The following SLC4A5 variants were observed in gnomAD, a reference collection of about 807,000 sequenced individuals.
The protein encoded by SLC4A5 is solute carrier family 4 member 5.
A neutral mutation model predicts 120.4 loss-of-function variants in SLC4A5; 96 were observed. The observed-to-expected ratio is 0.80, with a 90% CI of 0.68 to 0.94. The LOEUF (loss-of-function observed/expected upper bound fraction) is 0.94. Ranked by LOEUF, SLC4A5 falls within the 40% of genes least tolerant of loss-of-function variation. SLC4A5 has a pLI of 0.00. For missense variants in SLC4A5, 1,259 were observed against 1,459.5 expected (o/e 0.86, Z 2.24); for synonymous variants, 550 against 571.1 (o/e 0.96, Z 0.53).
At chr2:74,341,706 A>G (rs1241146625) in intron 2 of SLC4A5, among the ~76,000 whole-genome samples, 1 of 152,238 alleles carries the variant, frequency 6.6e-6, no homozygotes. Flanking sequence ...TCTTCCTAAA[A>G]AAAGAGTCTG....
intron 10 of SLC4A5, 40 bp from the exon 11 acceptor site, chr2:74,262,272 T>C (rs1295894681): frequency 2.3e-5 from 36 of 1,584,114 alleles, no homozygotes; most frequent in Non-Finnish European, 2.9e-5. Flanking sequence ...TCGACAGCCT[T>C]GCTGGTGTAG....
chr2:74,340,831 C>T (rs1673607118), intron 2 of SLC4A5, among the ~76,000 whole-genome samples: 2 of 152,258 alleles, frequency 1.3e-5, no homozygotes, highest in South Asian at 4.1e-4. Flanking sequence ...CCACCACGGG[C>T]CTCTGTTCTT....
intron 12 of SLC4A5, among the ~76,000 whole-genome samples, 166 bp downstream of exon 12, chr2:74,259,422 T>C (rs1671067332): frequency 6.6e-6 from 1 of 152,168 alleles, no homozygotes; most frequent in Non-Finnish European, 1.5e-5. Context: ...ACTACTGGCC[T>C]TGGCAAAGTC....
intron 6 of SLC4A5, chr2:74,307,811 T>C: frequency 2.8e-6 from 1 of 352,462 alleles, no homozygotes; most frequent in Non-Finnish European, 5.0e-6. Context: ...CCCCCAGCCA[T>C]CCCCATGCCA....
At position 74,219,218 on chromosome 2, in the gene SLC4A5, TG is replaced by T. The variant is rs1426795633; in HGVS notation, c.*34-427del. Among the ~76,000 whole-genome samples, 23 of 105,010 alleles carry T rather than the reference TG, an allele frequency of 2.2e-4. 1 individual carries two copies. The East Asian group carries it at 5.1e-3, about 23-fold the overall frequency. The allele number at this position is 105,010 out of a possible 152,430, so 68.9% of individuals were successfully genotyped here. ...GTGTGTGTGTGTGTGTGTGTGTGTG[TG>T]TTTGTGTGTGTTTTCAAATGGTACT... On this transcript the variant is annotated intron_variant, in intron 30 of 30. Coordinates refer to ENST00000394019, the Ensembl canonical transcript of SLC4A5.
intron 21 of SLC4A5, among the ~76,000 whole-genome samples, chr2:74,236,271 A>ACTTACACTGTGCCTCCTGTCCTTTC (rs1670266337): frequency 6.6e-6 from 1 of 152,236 alleles, no homozygotes; most frequent in African/African-American, 2.4e-5. Context: ...ATTTACCTTT[A>ACTTACACTGTGCCTCCTGTCCTTTC]CTTACACTGT....
At chr2:74,341,347 G>A (rs1420161451) in intron 2 of SLC4A5, among the ~76,000 whole-genome samples, 1 of 149,656 alleles carries the variant, frequency 6.7e-6, no homozygotes, top group African/African-American at 2.5e-5. Context: ...AGAGCAGTAA[G>A]AGACAAAAAT....
intron 5 of SLC4A5, among the ~76,000 whole-genome samples, chr2:74,316,116 A>G (rs1027235738): frequency 6.6e-6 from 1 of 152,018 alleles, no homozygotes; most frequent in African/African-American, 2.4e-5. Context: ...AAATCTGGAC[A>G]ATCTGTTTCT....
chr2:74,284,469 C>T lies in SLC4A5; in HGVS notation c.401+1304G>A, dbSNP rs60206081. Among the ~76,000 whole-genome samples the T allele has an allele frequency of 6.9e-5, 5 of 72,970 alleles. 1 individual carries two copies. Among genetic ancestry groups the T allele is most frequent in the Admixed American group, 1.4e-4 (1 of 7,130 alleles). 47.9% of individuals were successfully genotyped at this position (72,970 alleles called of 152,430 possible). A position where few individuals can be genotyped will look rare whatever the true frequency, so the allele number is the denominator to read the frequency against. ...TGCTGGGATTACAGGCGTGAGCCAC[C>T]GCGCCCGGCCTATTCCTTATTTCTA... is the stretch of plus-strand genomic sequence containing the variant. On this transcript the variant is annotated intron_variant, in intron 8 of 30. Transcript: ENST00000394019.
At chr2:74,250,203 G>A (rs779358764) in intron 17 of SLC4A5, 140 bp downstream of exon 17, 19 of 708,464 alleles carry the variant, frequency 2.7e-5, no homozygotes, top group African/African-American at 7.1e-5. Flanking sequence ...TACTTGAAGC[G>A]TAAAGGATTA....
At chr2:74,328,074 GCATAGC>G (rs1673261178) in intron 5 of SLC4A5, 40 bp downstream of exon 5, 7 of 948,018 alleles carry the variant, frequency 7.4e-6, no homozygotes, top group Admixed American at 6.2e-5. Context: ...TCCCTTATCT[GCATAGC>G]TCTGTCTACT....
At chr2:74,283,252 G>A (rs1319832567) in intron 8 of SLC4A5, among the ~76,000 whole-genome samples, 1 of 152,166 alleles carries the variant, frequency 6.6e-6, no homozygotes, top group Non-Finnish European at 1.5e-5. Context: ...TCTGACCCCT[G>A]GTGAGCTACT....
At chr2:74,310,270 C>T (rs1413900110) in intron 6 of SLC4A5, among the ~76,000 whole-genome samples, 1 of 152,090 alleles carries the variant, frequency 6.6e-6, no homozygotes, top group East Asian at 1.9e-4. Context: ...TTTCTTCTTT[C>T]CCAAACTATA....
Position 74,285,933 on chromosome 2 carries a change from T to A in SLC4A5, c.272-31A>T, listed in dbSNP as rs1240681840. The A allele has an allele frequency of 1.9e-6, 3 of 1,552,860 alleles. No individual in the cohort carries two copies. The Admixed American group carries it at 6.0e-5, about 31-fold the overall frequency. On this transcript the variant is annotated intron_variant, in intron 7 of 30. Coordinates refer to ENST00000394019, the Ensembl canonical transcript of SLC4A5. Reference sequence around the variant, plus strand: ...AAAGAGGGGCAGCAGGTCTGCTGAGTGTCCCATGGAAGGCAGGAGGACCAC... The same window carrying A: ...AAAGAGGGGCAGCAGGTCTGCTGAGAGTCCCATGGAAGGCAGGAGGACCAC...
rs140116174 is a variant in SLC4A5 at position 74,275,363 on chromosome 2, G to T, written c.402-10099C>A. On this transcript the variant is annotated intron_variant, in intron 8 of 30. Coordinates refer to ENST00000394019, the Ensembl canonical transcript of SLC4A5. ...AAAGTTACTGAAAAATTCTGAATGG[G>T]CTCCTTCAAGGAGAGGCTTCTGGAA... 5.9e-3 allele frequency among the ~76,000 whole-genome samples: 902 copies of T among 152,300 alleles called. 7 individuals carry two copies. Among genetic ancestry groups the T allele is most frequent in the African/African-American group, 0.02 (846 of 41,554 alleles).
At chr2:74,271,382 A>C (rs937504781) in intron 8 of SLC4A5, among the ~76,000 whole-genome samples, 1 of 152,118 alleles carries the variant, frequency 6.6e-6, no homozygotes, top group Non-Finnish European at 1.5e-5. Context: ...TGCCTTTAAA[A>C]TCTTCATGTC....
intron 6 of SLC4A5, among the ~76,000 whole-genome samples, chr2:74,313,568 T>C (rs1672873773): frequency 6.6e-6 from 1 of 152,202 alleles, no homozygotes; most frequent in African/African-American, 2.4e-5. Context: ...CTCCTGGATG[T>C]AACAGGGATG....
chr2:74,249,725 T>G (rs892811268), intron 17 of SLC4A5, among the ~76,000 whole-genome samples: 2 of 152,068 alleles, frequency 1.3e-5, no homozygotes, highest in African/African-American at 4.8e-5. Flanking sequence ...TGGGGGATCC[T>G]GAGGGGCAGC....
chr2:74,316,656 C>T (rs932053152), intron 5 of SLC4A5, among the ~76,000 whole-genome samples: 16 of 152,338 alleles, frequency 1.1e-4, no homozygotes, highest in African/African-American at 3.6e-4. Flanking sequence ...GAAGAATAAA[C>T]TGTGTCCTAA....
Sources: gnomAD v4.1 joint callset for allele counts (sites outside exome capture counted in the v4.1 genomes callset) on GRCh38, gnomAD v4.1.1 for gene constraint, MANE v1.5 for transcripts, NCBI Gene and HGNC (gene_info 2026-07-23, HGNC 2026-07-21) for gene names.